SEC63: variants seen among roughly 807,000 people sequenced by gnomAD.
The protein encoded by SEC63 is translocation protein SEC63 homolog.
A neutral mutation model predicts 116.2 loss-of-function variants in SEC63; 56 were observed. That is an observed-to-expected ratio of 0.48 (90% CI 0.39 to 0.60). The LOEUF (loss-of-function observed/expected upper bound fraction) is 0.60, where lower values mean the gene tolerates loss of function less well. Ranked by LOEUF, SEC63 falls within the 20% of genes least tolerant of loss-of-function variation. The pLI is 0.00. For missense variants in SEC63, 668 were observed against 900.0 expected, an observed-to-expected ratio of 0.74 and a Z score of 3.30; for synonymous variants, 273 against 294.6, an observed-to-expected ratio of 0.93 and a Z score of 0.75.
Position 107,906,816 on chromosome 6 carries a change from C to G in SEC63, c.734-39G>C, listed in dbSNP as rs768867220. 7 of 1,435,414 alleles carry G rather than the reference C, an allele frequency of 4.9e-6. No individual in the cohort carries two copies. In the Admixed American group the frequency reaches 6.7e-5, roughly 14 times the overall value. The allele number at this position is 1,435,414 out of a possible 1,614,324, so 88.9% of individuals were successfully genotyped here. On this transcript the variant is annotated intron_variant, in intron 8 of 20. Transcript: ENST00000369002. ...AGAAATATGAAGGTAAATAAATATG[C>G]TCATTCATTAATTCCCCCTCCTGAG...
At chr6:107,950,857 A>G (rs1770566391) in intron 1 of SEC63, among the ~76,000 whole-genome samples, 1 of 152,220 alleles carries the variant, frequency 6.6e-6, no homozygotes, top group South Asian at 2.1e-4. Context: ...TTCTTTCCAT[A>G]ACCTACGGAA....
chr6:107,886,105 C>A (rs546196949), intron 16 of SEC63, among the ~76,000 whole-genome samples: 1 of 152,208 alleles, frequency 6.6e-6, no homozygotes, highest in South Asian at 2.1e-4. Flanking sequence ...GAGAACATGG[C>A]GGTGTTTGGA....
rs754219056 is a variant in SEC63, at chr6:107,921,915, G to GGGGGA, written c.340-7_340-6insTCCCC. 1 of 1,104,752 alleles carries GGGGGA rather than the reference G, an allele frequency of 9.1e-7. No homozygotes were observed. The highest frequency in any genetic ancestry group is 1.2e-6 in the Non-Finnish European group (1 of 814,552). The allele number at this position is 1,104,752 out of a possible 1,614,324, so 68.4% of individuals were successfully genotyped here. On this transcript the variant is annotated splice_region_variant and splice_polypyrimidine_tract_variant and intron_variant, in intron 3 of 20. Transcript: ENST00000369002. The stretch of plus-strand genomic sequence containing the variant: ...ATTTCTGCTACTGTGGCTCCCTGGG[G>GGGGGA]AAAAACAAAAAAAAAAAACAAGCTT...
intron 16 of SEC63, among the ~76,000 whole-genome samples, chr6:107,883,661 A>G (rs1181148661): frequency 1.3e-5 from 2 of 150,496 alleles, no homozygotes; most frequent in Admixed American, 1.3e-4. Context: ...TATATATATC[A>G]CTAGGCATGG....
At chr6:107,956,172 T>C (rs976877423) in intron 1 of SEC63, 3 of 189,644 alleles carry the variant, frequency 1.6e-5, no homozygotes, top group African/African-American at 4.8e-5. Flanking sequence ...GGCTAATTTC[T>C]GAAATCAGGG....
rs17068939 is a variant in SEC63, at chr6:107,876,848, T to C, written c.1936-186A>G. 0.019 allele frequency: 10,561 copies of C among 565,484 alleles called. 708 individuals are homozygous for C. Among genetic ancestry groups the C allele is most frequent in the African/African-American group, 0.16 (8,538 of 53,270 alleles). 35.0% of individuals were successfully genotyped at this position (565,484 alleles called of 1,614,324 possible). A position where few individuals can be genotyped will look rare whatever the true frequency, so the allele number is the denominator to read the frequency against. ...GCTGTTCTTAACATTTGTAGATCCATTGCCTAAAAGCATTTTGTATGCAAT... is the reference window on the plus strand; with the variant it reads ...GCTGTTCTTAACATTTGTAGATCCACTGCCTAAAAGCATTTTGTATGCAAT... On this transcript the variant is annotated intron_variant, in intron 18 of 20. Coordinates refer to ENST00000369002, the MANE Select transcript of SEC63 (RefSeq NM_007214.5).
chr6:107,921,244 A>G (rs1787549039), intron 4 of SEC63, among the ~76,000 whole-genome samples: 1 of 152,142 alleles, frequency 6.6e-6, no homozygotes, highest in Non-Finnish European at 1.5e-5. Flanking sequence ...ACCCTCCTCT[A>G]ATCAAAATGC....
rs949630368 is a variant in SEC63 at position 107,958,199 on chromosome 6, C to A, written c.-190G>T. 4 of 800,296 alleles carry A rather than the reference C, an allele frequency of 5.0e-6. No homozygotes were observed. Among genetic ancestry groups the A allele is most frequent in the Non-Finnish European group, 8.0e-6 (4 of 499,574 alleles). 49.6% of individuals were successfully genotyped at this position (800,296 alleles called of 1,614,324 possible). ...GCCGCTGCCGCCGCCGTCGCCAGCT[C>A]TCGCGAGAGGAGATAGTTCCCGCCC... is the stretch of plus-strand genomic sequence containing the variant. On this transcript the variant is annotated 5_prime_UTR_variant, in exon 1 of 21. Transcript: ENST00000369002.
chr6:107,876,860 A>C, intron 18 of SEC63, 198 bp from the exon 19 acceptor site: 1 of 544,652 alleles, frequency 1.8e-6, no homozygotes, highest in Non-Finnish European at 3.3e-6. Flanking sequence ...GCCTAAAAGC[A>C]TTTTGTATGC....
chr6:107,919,867 T>A (rs1452138775), intron 4 of SEC63, among the ~76,000 whole-genome samples: 1 of 151,708 alleles, frequency 6.6e-6, no homozygotes, highest in East Asian at 1.9e-4. Context: ...GTCCATAAAA[T>A]ACTATCAAAT....
At chr6:107,922,272 G>A (rs1299352787) in intron 3 of SEC63, among the ~76,000 whole-genome samples, 1 of 152,228 alleles carries the variant, frequency 6.6e-6, no homozygotes, top group Admixed American at 6.5e-5. Flanking sequence ...TGGAAGCCAA[G>A]GTGGGCGGAT....
intron 11 of SEC63, 108 bp from the exon 12 acceptor site, chr6:107,903,106 T>A: frequency 9.1e-7 from 1 of 1,097,516 alleles, no homozygotes; most frequent in South Asian, 1.3e-5. Flanking sequence ...ACACCTCAAA[T>A]TTGAGGATCA....
chr6:107,913,232 G>C (rs926522822), intron 5 of SEC63, 134 bp downstream of exon 5: 11 of 686,214 alleles, frequency 1.6e-5, no homozygotes, highest in Non-Finnish European at 2.3e-5. Flanking sequence ...AAATTAATGA[G>C]AGCTCAATTT....
At chr6:107,956,083 C>A (rs9486756) in intron 1 of SEC63, 317,123 of 326,266 alleles carry the variant, frequency 0.97, 154,212 homozygotes, top group Middle Eastern at 0.99. Flanking sequence ...TCAAGACCAG[C>A]CTGGGTAAAT....
chr6:107,910,604 G>C (rs183143588), intron 7 of SEC63, among the ~76,000 whole-genome samples: 1 of 149,740 alleles, frequency 6.7e-6, no homozygotes, highest in East Asian at 1.9e-4. Context: ...ATACACACAC[G>C]TGTCATACAT....
chr6:107,953,666 C>A (rs1255103886), intron 1 of SEC63, among the ~76,000 whole-genome samples: 2 of 142,904 alleles, frequency 1.4e-5, no homozygotes, highest in African/African-American at 5.2e-5. Flanking sequence ...AGCCCCTCTG[C>A]CCGGCCAGCC....
chr6:107,915,661 G>T (rs1002693019), intron 4 of SEC63, among the ~76,000 whole-genome samples: 9 of 151,634 alleles, frequency 5.9e-5, no homozygotes, highest in Non-Finnish European at 1.2e-4. Context: ...TGACCCAGCT[G>T]GTTTATTATA....
rs575404919 is a variant in SEC63 at position 107,915,635 on chromosome 6, T to TA, written c.453-2209dup. 4.2e-3 allele frequency among the ~76,000 whole-genome samples: 618 copies of TA among 148,516 alleles called. 3 individuals are homozygous for TA. Among genetic ancestry groups the TA allele is most frequent in the African/African-American group, 0.014 (567 of 40,570 alleles). On this transcript the variant is annotated intron_variant, in intron 4 of 20. Coordinates refer to ENST00000369002, the MANE Select transcript of SEC63 (RefSeq NM_007214.5). ...CTAAAGGAAAGAGTGAAAATCTGAT[T>TA]AAAAAAAAAATGAAATGACCCAGCT...
intron 1 of SEC63, among the ~76,000 whole-genome samples, chr6:107,935,124 G>T (rs1583769488): frequency 6.8e-6 from 1 of 146,614 alleles, no homozygotes; most frequent in Non-Finnish European, 1.5e-5. Context: ...GAGGTGGGGG[G>T]GTCAGCCCCC....
Sources: allele counts gnomAD v4.1 joint callset (sites outside exome capture counted in the v4.1 genomes callset), GRCh38; gene constraint gnomAD v4.1.1; transcripts MANE v1.5; gene names NCBI Gene and HGNC (gene_info 2026-07-23, HGNC 2026-07-21).